The following PDE4B variants were observed in gnomAD, a reference collection of about 807,000 sequenced individuals.
PDE4B encodes phosphodiesterase 4B.
In PDE4B, 20 loss-of-function variants were observed where a neutral mutation model predicts 82.2. The ratio of observed to expected loss-of-function variants is 0.24; its 90% CI spans 0.17 to 0.35. The LOEUF (loss-of-function observed/expected upper bound fraction) is 0.35, where lower values mean the gene tolerates loss of function less well. Among genes scored for constraint, PDE4B ranks in the 10% least tolerant of loss-of-function variants. PDE4B has a pLI of 1.00. For missense variants in PDE4B, 655 were observed against 907.2 expected (o/e 0.72, Z 3.57); for synonymous variants, 320 against 318.9 (o/e 1.00, Z -0.04).
intron 4 of PDE4B, among the ~76,000 whole-genome samples, chr1:66,254,062 T>C (rs960524328): frequency 6.6e-6 from 1 of 152,218 alleles, no homozygotes; most frequent in African/African-American, 2.4e-5. Context: ...GATTTACTTA[T>C]ATTAATTAGC....
intron 6 of PDE4B, among the ~76,000 whole-genome samples, chr1:66,258,471 A>T (rs1450814266): frequency 1.3e-5 from 2 of 152,176 alleles, no homozygotes; most frequent in Non-Finnish European, 2.9e-5. Flanking sequence ...AATCATTTCG[A>T]ATCTATGAGC....
rs115006563 is a variant in PDE4B, at chr1:66,301,549, G to A, written c.635-30959G>A. On this transcript the variant is annotated intron_variant, in intron 7 of 16. Transcript: ENST00000341517. ...GGGCGAGACCACCAGGCTTCTTACC[G>A]CTAGGACAATGCTTTTTTTTTTTTC... Among the ~76,000 whole-genome samples the A allele has an allele frequency of 3.4e-3, 499 of 146,256 alleles. 2 individuals carry two copies. Among genetic ancestry groups the A allele is most frequent in the African/African-American group, 0.013 (472 of 36,700 alleles).
chr1:66,273,032 C>T (rs1347846979), intron 7 of PDE4B, among the ~76,000 whole-genome samples: 4 of 151,886 alleles, frequency 2.6e-5, no homozygotes, highest in East Asian at 3.9e-4. Context: ...CCTTGTGATC[C>T]GCCCACCTCA....
chr1:66,027,830 G>A (rs1262532214), intron 3 of PDE4B, among the ~76,000 whole-genome samples: 1 of 152,244 alleles, frequency 6.6e-6, no homozygotes, highest in Non-Finnish European at 1.5e-5. Context: ...GATGCAAGGG[G>A]TGGGTTCCCA....
At chr1:66,178,812 G>A (rs1171173722) in intron 3 of PDE4B, among the ~76,000 whole-genome samples, 1 of 152,064 alleles carries the variant, frequency 6.6e-6, no homozygotes, top group East Asian at 1.9e-4. Flanking sequence ...TCTAGTCTAT[G>A]AATGTCAATC....
At chr1:66,008,451 C>A (rs960473043) in intron 3 of PDE4B, among the ~76,000 whole-genome samples, 3 of 152,108 alleles carry the variant, frequency 2.0e-5, no homozygotes, top group Admixed American at 2.0e-4. Flanking sequence ...TGCATTATAT[C>A]AGTACTCACC....
chr1:65,898,332 G>C (rs902204196), intron 1 of PDE4B, among the ~76,000 whole-genome samples: 2 of 151,940 alleles, frequency 1.3e-5, no homozygotes, highest in African/African-American at 4.8e-5. Context: ...TCTTTAGTTT[G>C]ATTAGGTCAC....
chr1:65,944,955 A>C (rs956450847), intron 3 of PDE4B, among the ~76,000 whole-genome samples: 2 of 151,998 alleles, frequency 1.3e-5, no homozygotes, highest in Non-Finnish European at 1.5e-5. Context: ...AAAGAAGTTA[A>C]CATATTCTCT....
chr1:65,830,506 C>T (rs1191426635), intron 1 of PDE4B, among the ~76,000 whole-genome samples: 2 of 152,164 alleles, frequency 1.3e-5, no homozygotes, highest in African/African-American at 2.4e-5. Context: ...TAGCAAGTAA[C>T]CTCTGATAAA....
chr1:66,308,853 A>G (rs558994979), intron 7 of PDE4B, among the ~76,000 whole-genome samples: 2 of 152,326 alleles, frequency 1.3e-5, no homozygotes, highest in African/African-American at 4.8e-5. Flanking sequence ...TCTGACATAT[A>G]CAGAGCTATG....
At chr1:66,241,739 A>G (rs551096724) in intron 3 of PDE4B, among the ~76,000 whole-genome samples, 2 of 148,780 alleles carry the variant, frequency 1.3e-5, no homozygotes, top group Non-Finnish European at 3.1e-5. Flanking sequence ...CACACACTCT[A>G]TACAGAAACA....
chr1:65,939,557 C>G (rs559488848), intron 3 of PDE4B, among the ~76,000 whole-genome samples: 1 of 151,992 alleles, frequency 6.6e-6, no homozygotes, highest in Non-Finnish European at 1.5e-5. Context: ...AGAAGCTGAG[C>G]CTACCTCATA....
rs781319769 is a variant in PDE4B at position 66,257,768 on chromosome 1, A to G, written c.514-25A>G. On this transcript the variant is annotated intron_variant, in intron 5 of 16. Coordinates refer to ENST00000341517, the MANE Select transcript of PDE4B (RefSeq NM_002600.4). ...GGCCATTTGTCTTCTTTTGTCCTTA[A>G]CCGTTTAAAACATTTTTCTTCTAGG... 3.7e-6 allele frequency: 6 copies of G among 1,611,264 alleles called. No individual in the cohort carries two copies. In the South Asian group the frequency reaches 5.5e-5, roughly 15 times the overall value.
At chr1:66,246,088 G>A (rs1285316722) in intron 3 of PDE4B, among the ~76,000 whole-genome samples, 2 of 152,176 alleles carry the variant, frequency 1.3e-5, no homozygotes, top group Admixed American at 1.3e-4. Flanking sequence ...CATTAGGAAA[G>A]TCTGAGGTTG....
intron 8 of PDE4B, among the ~76,000 whole-genome samples, chr1:66,354,198 G>A (rs1662049985): frequency 6.6e-6 from 1 of 152,158 alleles, no homozygotes; most frequent in African/African-American, 2.4e-5. Context: ...TTGCTTAAAT[G>A]TTCAGAAAAT....
intron 1 of PDE4B, among the ~76,000 whole-genome samples, chr1:65,879,971 G>A (rs553484700): frequency 6.6e-6 from 1 of 152,220 alleles, no homozygotes; most frequent in East Asian, 1.9e-4. Context: ...AATGCAGTTG[G>A]CTTGCCTTCC....
intron 3 of PDE4B, among the ~76,000 whole-genome samples, chr1:65,964,098 A>G (rs1649685326): frequency 6.6e-6 from 1 of 152,130 alleles, no homozygotes; most frequent in African/African-American, 2.4e-5. Flanking sequence ...AATGATTGAT[A>G]TAACACTTAC....
At chr1:66,041,287 C>T (rs778804708) in intron 3 of PDE4B, among the ~76,000 whole-genome samples, 6 of 151,922 alleles carry the variant, frequency 3.9e-5, no homozygotes, top group Non-Finnish European at 7.4e-5. Context: ...CCATCCAGTA[C>T]TCAAAGATGT....
chr1:65,851,192 A>G lies in PDE4B; in HGVS notation c.-71+57944A>G, dbSNP rs1221626224. Among the ~76,000 whole-genome samples the G allele has an allele frequency of 3.3e-5, 5 of 152,184 alleles. No individual in the cohort carries two copies. The South Asian group carries it at 6.2e-4, about 19-fold the overall frequency. On this transcript the variant is annotated intron_variant, in intron 1 of 16. Coordinates refer to ENST00000341517, the MANE Select transcript of PDE4B (RefSeq NM_002600.4). ...TGAACCTATGTTTTATCCTTATGCC[A>G]GTACCATATTGTCTTGATTACAGCA...
Sources: gnomAD v4.1 joint callset for allele counts (sites outside exome capture counted in the v4.1 genomes callset) on GRCh38, gnomAD v4.1.1 for gene constraint, MANE v1.5 for transcripts, NCBI Gene and HGNC (gene_info 2026-07-23, HGNC 2026-07-21) for gene names.